SIDT2: variants seen among roughly 807,000 people sequenced by gnomAD.
SIDT2 encodes the protein SID1 transmembrane family, member 2.
In SIDT2, 68 loss-of-function variants were observed where a neutral mutation model predicts 114.4. The ratio of observed to expected loss-of-function variants is 0.59; its 90% CI spans 0.49 to 0.73. The LOEUF (loss-of-function observed/expected upper bound fraction) is 0.73, where lower values mean the gene tolerates loss of function less well. Among genes scored for constraint, SIDT2 ranks in the 30% least tolerant of loss-of-function variants. The pLI is 0.00. For missense variants in SIDT2, 918 were observed against 1,097.1 expected (o/e 0.84, Z 2.31); for synonymous variants, 470 against 438.4 (o/e 1.07, Z -0.90).
chr11:117,184,969 C>T (rs971827773), intron 8 of SIDT2, among the ~76,000 whole-genome samples: 3 of 152,076 alleles, frequency 2.0e-5, no homozygotes, highest in Admixed American at 1.3e-4. Flanking sequence ...TCAGGTGATC[C>T]GCCCACCTTG....
chr11:117,179,182 C>G lies in SIDT2; in HGVS notation c.-82C>G, dbSNP rs1426125029. On this transcript the variant is annotated 5_prime_UTR_variant, in exon 1 of 26. Transcript: ENST00000324225. ...GAGATGCTGGAAGCTGCGGCCGCAGCCGCAACCCGTCCCGGAGGTGTCCTG... is the reference window on the plus strand; with the variant it reads ...GAGATGCTGGAAGCTGCGGCCGCAGGCGCAACCCGTCCCGGAGGTGTCCTG... 23 of 1,400,588 alleles carry G rather than the reference C, an allele frequency of 1.6e-5. No individual in the cohort carries two copies. The highest frequency in any genetic ancestry group is 2.2e-5 in the Non-Finnish European group (23 of 1,029,486). The allele number at this position is 1,400,588 out of a possible 1,614,324, so 86.8% of individuals were successfully genotyped here.
rs892767397 is a variant in SIDT2 at position 117,192,709 on chromosome 11, G to A, written c.2058+59G>A. Reference sequence around the variant, plus strand: ...ATCTCCTTTCTTCCCTCTGATGGGGGAGTGGGGCTGGGCTGAGGACCCAGG... The same window carrying A: ...ATCTCCTTTCTTCCCTCTGATGGGGAAGTGGGGCTGGGCTGAGGACCCAGG... On this transcript the variant is annotated intron_variant, in intron 21 of 25. Coordinates refer to ENST00000324225, the MANE Select transcript of SIDT2 (RefSeq NM_001040455.2). The surrounding 1 kb of genome is among the most constrained non-coding windows in gnomAD (Gnocchi z 5.9). 5 of 1,612,340 alleles carry A rather than the reference G, an allele frequency of 3.1e-6. No individual in the cohort carries two copies. The highest frequency in any genetic ancestry group is 4.2e-6 in the Non-Finnish European group (5 of 1,179,118).
chr11:117,194,328 C>T (rs2134261561), intron 24 of SIDT2, among the ~76,000 whole-genome samples: 1 of 152,196 alleles, frequency 6.6e-6, no homozygotes, highest in Non-Finnish European at 1.5e-5. Flanking sequence ...TTTTAAACAT[C>T]ATTTGGGAAC....
At position 117,190,959 on chromosome 11, in the gene SIDT2, G is replaced by A. The variant is rs1011451610; in HGVS notation, c.1735+219G>A. 3.5e-5 allele frequency: 18 copies of A among 516,474 alleles called. No individual in the cohort carries two copies. Among genetic ancestry groups the A allele is most frequent in the African/African-American group, 1.7e-4 (9 of 52,142 alleles). The allele number at this position is 516,474 out of a possible 1,614,324, so 32.0% of individuals were successfully genotyped here. On this transcript the variant is annotated intron_variant, in intron 18 of 25. Transcript: ENST00000324225. The surrounding 1 kb of genome is among the most constrained non-coding windows in gnomAD (Gnocchi z 4.1). ...CTATTCCTATGTAAAGGCATGTGCC[G>A]CAGTGAAGAAAACAGTATAATTAAG...
At chr11:117,195,114 A>AAAAAAAATT (rs2030850229) in intron 24 of SIDT2, among the ~76,000 whole-genome samples, 1 of 144,702 alleles carries the variant, frequency 6.9e-6, no homozygotes. Flanking sequence ...AAAAAAAAAA[A>AAAAAAAATT]GTCTTGGGTA....
chr11:117,189,705 C>T, intron 15 of SIDT2: 1 of 600,446 alleles, frequency 1.7e-6, no homozygotes, highest in Non-Finnish European at 3.0e-6. Flanking sequence ...TTTCTCTGTC[C>T]CGTGGGGCAA....
chr11:117,186,001 G>A (rs1273312668), intron 8 of SIDT2, 129 bp from the exon 9 acceptor site: 2 of 709,836 alleles, frequency 2.8e-6, no homozygotes, highest in African/African-American at 1.8e-5. Context: ...GGCTAGGCAG[G>A]GCCTTACATT....
Position 117,189,352 on chromosome 11 carries a change from C to T in SIDT2, c.1370C>T (p.Ala457Val). Reference sequence around the variant, plus strand: ...CTCCGCAGGAACATTGCCACCATTGCTGTCTTCTATGCCCTTCCTGTGGTG... The same window carrying T: ...CTCCGCAGGAACATTGCCACCATTGTTGTCTTCTATGCCCTTCCTGTGGTG... ...QIYFWNIATI[A>V]VFYALPVVQL... The change falls in exon 15 of 26, where the codon GCT (alanine) becomes GTT (valine). Residue 457 changes from alanine (A) to valine (V), a missense_variant. Transcript: ENST00000324225. 1 of 1,614,228 alleles carries T rather than the reference C, an allele frequency of 6.2e-7. No homozygotes were observed. Among genetic ancestry groups the T allele is most frequent in the Non-Finnish European group, 8.5e-7 (1 of 1,180,036 alleles).
chr11:117,181,733 G>A, intron 2 of SIDT2, 74 bp from the exon 3 acceptor site: 3 of 1,597,884 alleles, frequency 1.9e-6, no homozygotes, highest in Admixed American at 1.7e-5. Flanking sequence ...GGGGCGAGGT[G>A]GGGCCTCGCT....
intron 22 of SIDT2, 93 bp from the exon 23 acceptor site, chr11:117,193,060 C>T (rs1935817371): frequency 8.4e-6 from 12 of 1,430,906 alleles, no homozygotes; most frequent in Non-Finnish European, 1.2e-5. Context: ...GAACACAGCC[C>T]AACATCATAA....
intron 1 of SIDT2, among the ~76,000 whole-genome samples, chr11:117,180,204 G>A (rs1482770478): frequency 6.6e-6 from 1 of 152,226 alleles, no homozygotes; most frequent in Non-Finnish European, 1.5e-5. Context: ...GCCGTTTACT[G>A]AGAAGCAATG....
Position 117,192,211 on chromosome 11 carries a change from T to C in SIDT2, c.1873-43T>C. On this transcript the variant is annotated intron_variant, in intron 19 of 25. Coordinates refer to ENST00000324225, the MANE Select transcript of SIDT2 (RefSeq NM_001040455.2). The surrounding 1 kb of genome is among the most constrained non-coding windows in gnomAD (Gnocchi z 5.9). Reference sequence around the variant, plus strand: ...GGAAGGGTGGGCCATCCGAGCCACTTCCCTCTCCACCCTCACCGCTGCCCT... The same window carrying C: ...GGAAGGGTGGGCCATCCGAGCCACTCCCCTCTCCACCCTCACCGCTGCCCT... 6.8e-7 allele frequency: 1 copy of C among 1,481,028 alleles called. No individual in the cohort carries two copies. The highest frequency in any genetic ancestry group is 9.4e-7 in the Non-Finnish European group (1 of 1,059,496). 91.7% of individuals were successfully genotyped at this position (1,481,028 alleles called of 1,614,324 possible). A position where few individuals can be genotyped will look rare whatever the true frequency, so the allele number is the denominator to read the frequency against.
At chr11:117,193,823 A>C (rs781506395) in intron 23 of SIDT2, 30 bp from the exon 24 acceptor site, 107 of 1,557,260 alleles carry the variant, frequency 6.9e-5, no homozygotes, top group Non-Finnish European at 9.2e-5. Context: ...GTAAGCCCTC[A>C]GACTGCTGTC....
Position 117,181,932 on chromosome 11 carries a change from A to G in SIDT2, c.431A>G (p.Tyr144Cys). 1 of 1,614,056 alleles carries G rather than the reference A, an allele frequency of 6.2e-7. No individual in the cohort carries two copies. The highest frequency in any genetic ancestry group is 8.5e-7 in the Non-Finnish European group (1 of 1,180,016). The change falls in exon 3 of 26, where the codon TAC becomes TGC. Residue 144 changes from tyrosine (Y) to cysteine (C), a missense_variant. Physicochemically the swap from Tyr to Cys is radical, Grantham distance 194. Around this residue, in one of 4 missense-constraint regions of SIDT2, gnomAD observed 553 missense variants for 600.1 expected, o/e 0.92. Coordinates refer to ENST00000324225, the MANE Select transcript of SIDT2 (RefSeq NM_001040455.2). ...ACCCTGTCACCAGTCAACACCACAT[A>G]CCAGCTCCGGGTCAGCCGCATGGAC... ...VSTLSPVNTT[Y>C]QLRVSRMDDF...
At position 117,186,649 on chromosome 11, in the gene SIDT2, G is replaced by A. The variant is rs1565286197; in HGVS notation, c.1015+13G>A. ...TGCCCAGAAAGCGGTACCTCCAGGGGGCCTGGGTGGGGCGGGCACAGTGTG... is the reference window on the plus strand; with the variant it reads ...TGCCCAGAAAGCGGTACCTCCAGGGAGCCTGGGTGGGGCGGGCACAGTGTG... On this transcript the variant is annotated intron_variant, in intron 10 of 25. Transcript: ENST00000324225. 1.3e-6 allele frequency: 2 copies of A among 1,555,496 alleles called. No individual in the cohort carries two copies. Among genetic ancestry groups the A allele is most frequent in the South Asian group, 1.3e-5 (1 of 79,788 alleles).
chr11:117,194,037 T>G, intron 24 of SIDT2, 74 bp downstream of exon 24: 1 of 1,197,634 alleles, frequency 8.3e-7, no homozygotes, highest in Non-Finnish European at 1.2e-6. Context: ...GGGCTGAGCC[T>G]GGGATTACCT....
chr11:117,193,705 G>A, intron 23 of SIDT2, 148 bp from the exon 24 acceptor site: 1 of 616,470 alleles, frequency 1.6e-6, no homozygotes, highest in Admixed American at 2.7e-5. Context: ...GTTGAGCTCT[G>A]TGGTTGTGCG....
In SIDT2 at chr11:117,179,319, A is replaced by C. The variant is rs2030168016; in HGVS notation, c.56A>C (p.His19Pro). ...CTCTTGGTGGCCTCGGTCGAGAGCC[A>C]TCTGGGGGTTCTGGGGCCCAAGAAC... The part of the protein sequence containing the change: ...LVLLVASVES[H>P]LGVLGPKNVS... The change falls in exon 1 of 26, where the codon CAT (histidine) becomes CCT (proline). Residue 19 changes from histidine (H) to proline (P), a missense_variant. By Grantham distance (77) the His-to-Pro change is moderately conservative. Coordinates refer to ENST00000324225, the MANE Select transcript of SIDT2 (RefSeq NM_001040455.2). The C allele has an allele frequency of 6.2e-7, 1 of 1,614,116 alleles. No homozygotes were observed. The highest frequency in any genetic ancestry group is 8.5e-7 in the Non-Finnish European group (1 of 1,180,016).
intron 15 of SIDT2, chr11:117,189,702 G>A (rs2030631108): frequency 1.0e-5 from 6 of 598,756 alleles, no homozygotes. Flanking sequence ...CCTTTTCTCT[G>A]TCCCGTGGGG....
Sources: allele counts gnomAD v4.1 joint callset (sites outside exome capture counted in the v4.1 genomes callset), GRCh38; gene constraint gnomAD v4.1.1; regional missense constraint gnomAD v4.1.1; non-coding constraint Gnocchi (gnomAD v3.1); transcripts MANE v1.5; gene names NCBI Gene and HGNC (gene_info 2026-07-23, HGNC 2026-07-21).